ZNF487: variants seen among roughly 807,000 people sequenced by gnomAD.
ZNF487 encodes the protein zinc finger protein 487.
A neutral mutation model predicts 3.0 loss-of-function variants in ZNF487; 4 were observed. The observed-to-expected ratio is 1.35, with a 90% CI of 0.66 to 3.08. The LOEUF is 3.08. Among genes scored for constraint, ZNF487 ranks in the 30% most tolerant of loss-of-function variants. The pLI, the probability that ZNF487 is intolerant of heterozygous loss-of-function variation, is 0.01. For missense variants in ZNF487, 146 were observed against 98.7 expected (o/e 1.48, Z -2.03); for synonymous variants, 55 against 34.6 (o/e 1.59, Z -2.06).
In ZNF487 at chr10:43,444,089, G is replaced by A. The variant is rs527618509; in HGVS notation, c.-94+6827G>A. ...AGGATGGTCTCCATCTCCTGACCTC[G>A]TGATCCGCCTGCCTCGGCCTCCCAA... On this transcript the variant is annotated intron_variant, in intron 1 of 3. Transcript: ENST00000437590. Among the ~76,000 whole-genome samples the A allele has an allele frequency of 1.3e-4, 19 of 151,298 alleles. No individual in the cohort carries two copies. The South Asian group carries it at 3.5e-3, about 28-fold the overall frequency.
chr10:43,475,890 C>G (rs1415077681), intron 2 of ZNF487, 43 bp downstream of exon 2: 1 of 706,470 alleles, frequency 1.4e-6, no homozygotes, highest in African/African-American at 1.8e-5. Context: ...CATTTATTTC[C>G]TTTTTAGCTG....
chr10:43,521,517 T>C, the ZNF487 span, among the ~76,000 whole-genome samples: 7 of 152,178 alleles, frequency 4.6e-5, no homozygotes, highest in Non-Finnish European at 5.9e-5. Context: ...TTGTTTATAG[T>C]ATGAGAACTG....
At chr10:43,440,587 G>GC (rs1839562243) in intron 1 of ZNF487, among the ~76,000 whole-genome samples, 3 of 151,798 alleles carry the variant, frequency 2.0e-5, no homozygotes, top group Non-Finnish European at 4.4e-5. Context: ...GAATCTGGGA[G>GC]GCAGAGGCAG....
In ZNF487 at chr10:43,482,958, C is replaced by A. The variant is rs750383344; in HGVS notation, c.*1036C>A. The A allele has an allele frequency of 1.9e-6, 1 of 524,852 alleles. No homozygotes were observed. Among genetic ancestry groups the A allele is most frequent in the East Asian group, 5.6e-5 (1 of 18,008 alleles). The allele number at this position is 524,852 out of a possible 1,614,324, so 32.5% of individuals were successfully genotyped here. A position where few individuals can be genotyped will look rare whatever the true frequency, so the allele number is the denominator to read the frequency against. On this transcript the variant is annotated 3_prime_UTR_variant, in exon 4 of 4. Coordinates refer to ENST00000437590, the MANE Select transcript of ZNF487 (RefSeq NM_001355444.3). ...GAAAACCTTCTACCAGAAGTCATCC[C>A]TCACAACACATCAGAGAACACACAC...
chr10:43,444,946 C>G (rs1589020938), intron 1 of ZNF487, among the ~76,000 whole-genome samples: 1 of 151,506 alleles, frequency 6.6e-6, no homozygotes, highest in Non-Finnish European at 1.5e-5. Context: ...ATGCCAACAA[C>G]CCCCCATCCT....
chr10:43,443,869 T>G (rs2132038221), intron 1 of ZNF487, among the ~76,000 whole-genome samples: 1 of 150,142 alleles, frequency 6.7e-6, no homozygotes, highest in African/African-American at 2.4e-5. Context: ...TTTTTTTTTT[T>G]GTAGACACAG....
In ZNF487 at chr10:43,447,029, C is replaced by CA. The variant is rs1344533792; in HGVS notation, c.-94+9777dup. 2.2e-3 allele frequency among the ~76,000 whole-genome samples: 331 copies of CA among 147,338 alleles called. 1 individual carries two copies. Among genetic ancestry groups the CA allele is most frequent in the South Asian group, 8.7e-3 (41 of 4,698 alleles). On this transcript the variant is annotated intron_variant, in intron 1 of 3. Coordinates refer to ENST00000437590, the MANE Select transcript of ZNF487 (RefSeq NM_001355444.3). The stretch of plus-strand genomic sequence containing the variant: ...CAACACGGCGAAACCCCGTCTCCAC[C>CA]AAAAAAAAAACCAGTCAGGCGTGGC...
intron 1 of ZNF487, among the ~76,000 whole-genome samples, chr10:43,446,378 G>T (rs1020484986): frequency 1.3e-5 from 2 of 151,884 alleles, no homozygotes; most frequent in Non-Finnish European, 2.9e-5. Flanking sequence ...CTGCCAGGCG[G>T]AGAGGCTCCT....
Position 43,482,327 on chromosome 10 carries a change from T to C in ZNF487, c.*405T>C. ...GAAAACAGATACAGAAGAAAAACTC[T>C]ATGAATGTAGTGAATGTGGGAAAAC... On this transcript the variant is annotated 3_prime_UTR_variant, in exon 4 of 4. Coordinates refer to ENST00000437590, the MANE Select transcript of ZNF487 (RefSeq NM_001355444.3). 2.3e-6 allele frequency: 1 copy of C among 428,238 alleles called. No homozygotes were observed. Among genetic ancestry groups the C allele is most frequent in the East Asian group, 7.0e-5 (1 of 14,282 alleles). The allele number at this position is 428,238 out of a possible 1,614,324, so 26.5% of individuals were successfully genotyped here.
intron 1 of ZNF487, among the ~76,000 whole-genome samples, chr10:43,457,074 GA>G (rs1360657082): frequency 2.6e-5 from 4 of 152,130 alleles, no homozygotes; most frequent in African/African-American, 9.7e-5. Context: ...TGCCTGACAT[GA>G]AAGATGAAAA....
intron 1 of ZNF487, among the ~76,000 whole-genome samples, chr10:43,457,557 G>GAA (rs1369137448): frequency 2.0e-4 from 21 of 103,384 alleles, no homozygotes; most frequent in African/African-American, 3.4e-4. Context: ...TCTGTCTTGG[G>GAA]GAAAAAAAAA....
intron 3 of ZNF487, among the ~76,000 whole-genome samples, chr10:43,477,205 C>CTT (rs1174769570): frequency 2.1e-5 from 3 of 140,848 alleles, no homozygotes; most frequent in Non-Finnish European, 3.1e-5. Context: ...TTCTTTATTT[C>CTT]TTTTTTTTTT....
At chr10:43,491,908 T>TTTTTG in the ZNF487 span, among the ~76,000 whole-genome samples, 1 of 151,696 alleles carries the variant, frequency 6.6e-6, no homozygotes, top group South Asian at 2.1e-4. Context: ...ATTTACACAA[T>TTTTTG]TTTTGTTTTG....
At chr10:43,458,421 T>G (rs1840299927) in intron 1 of ZNF487, among the ~76,000 whole-genome samples, 1 of 152,204 alleles carries the variant, frequency 6.6e-6, no homozygotes, top group East Asian at 1.9e-4. Context: ...GAGTTGCTAA[T>G]TAGCCTCTTC....
At chr10:43,459,331 G>T (rs1287018413) in intron 1 of ZNF487, among the ~76,000 whole-genome samples, 1 of 152,044 alleles carries the variant, frequency 6.6e-6, no homozygotes, top group Middle Eastern at 3.2e-3. Flanking sequence ...CCAGGTTCAA[G>T]TGATCCTCCT....
chr10:43,498,810 C>T, the ZNF487 span, among the ~76,000 whole-genome samples: 1 of 151,458 alleles, frequency 6.6e-6, no homozygotes, highest in Non-Finnish European at 1.5e-5. Flanking sequence ...GGCGTAGTGG[C>T]GGGCGCCTGT....
At chr10:43,455,057 G>C (rs1010811445) in intron 1 of ZNF487, among the ~76,000 whole-genome samples, 1 of 144,466 alleles carries the variant, frequency 6.9e-6, no homozygotes. Flanking sequence ...TGCCCCGTCC[G>C]GAGTGCAGTG....
chr10:43,482,214 A>G lies in ZNF487; in HGVS notation c.*292A>G, dbSNP rs1841390250. 1 of 470,572 alleles carries G rather than the reference A, an allele frequency of 2.1e-6. No individual in the cohort carries two copies. The highest frequency in any genetic ancestry group is 3.9e-6 in the Non-Finnish European group (1 of 258,148). 29.1% of individuals were successfully genotyped at this position (470,572 alleles called of 1,614,324 possible). On this transcript the variant is annotated 3_prime_UTR_variant, in exon 4 of 4. Coordinates refer to ENST00000437590, the MANE Select transcript of ZNF487 (RefSeq NM_001355444.3). Reference sequence around the variant, plus strand: ...TGCAAGAAGCCAAATTTCACTCAACATCAAGAAACACATATAGGAAAGAAT... The same window carrying G: ...TGCAAGAAGCCAAATTTCACTCAACGTCAAGAAACACATATAGGAAAGAAT...
At chr10:43,471,201 C>A (rs1338324246) in intron 1 of ZNF487, among the ~76,000 whole-genome samples, 1 of 152,138 alleles carries the variant, frequency 6.6e-6, no homozygotes, top group Non-Finnish European at 1.5e-5. Context: ...TGCGCTCAAC[C>A]CCTTGCAGGA....
Sources: allele counts gnomAD v4.1 joint callset (sites outside exome capture counted in the v4.1 genomes callset), GRCh38; gene constraint gnomAD v4.1.1; transcripts MANE v1.5; gene names NCBI Gene and HGNC (gene_info 2026-07-23, HGNC 2026-07-21).